Variants in GPD1L observed in about 807,000 individuals in gnomAD.
GPD1L encodes the protein glycerol-3-phosphate dehydrogenase 1 like.
In GPD1L, 17 loss-of-function variants were observed where a neutral mutation model predicts 32.9. That is an observed-to-expected ratio of 0.52 (90% CI 0.35 to 0.78). GPD1L has a LOEUF of 0.78. Ranked by LOEUF, GPD1L falls within the 30% of genes least tolerant of loss-of-function variation. The probability of loss-of-function intolerance (pLI) is 0.01; values close to 1 mark genes in which losing one functional copy is unlikely to be tolerated. For synonymous variants in GPD1L, 187 were observed against 165.9 expected, an observed-to-expected ratio of 1.13 and a Z score of -0.98; for missense variants, 361 against 447.8, an observed-to-expected ratio of 0.81 and a Z score of 1.75.
At chr3:32,158,318 G>A (rs1392396979) in intron 5 of GPD1L, 1 of 160,906 alleles carries the variant, frequency 6.2e-6, no homozygotes, top group African/African-American at 2.4e-5. Context: ...AAGTTGAAAG[G>A]CAGGTAAAAC....
Position 32,165,851 on chromosome 3 carries a change from G to A in GPD1L, c.997G>A (p.Glu333Lys), listed in dbSNP as rs201799095. Residue 333 changes from glutamate (E) to lysine (K), a missense_variant, in exon 8 of 8, where the codon GAA (glutamate) becomes AAA (lysine). Coordinates refer to ENST00000282541, the MANE Select transcript of GPD1L (RefSeq NM_015141.4). ...TACTGCAGTGTATCAGATCTGCTAC[G>A]AAAGCAGACCAGTTCAAGAGATGTT... ...LFTAVYQICYESRPVQEMLSC... is the reference protein window; with the variant it reads ...LFTAVYQICYKSRPVQEMLSC... 1.4e-5 allele frequency: 22 copies of A among 1,609,054 alleles called. No homozygotes were observed. The highest frequency in any genetic ancestry group is 6.6e-5 in the South Asian group (6 of 90,960).
At chr3:32,132,533 G>A (rs569724411) in intron 2 of GPD1L, among the ~76,000 whole-genome samples, 13 of 152,298 alleles carry the variant, frequency 8.5e-5, no homozygotes, top group African/African-American at 2.2e-4. Context: ...AGTTCAGTGC[G>A]AAGCCTCAGT....
chr3:32,139,342 G>A (rs1223074780), intron 3 of GPD1L, among the ~76,000 whole-genome samples: 1 of 152,044 alleles, frequency 6.6e-6, no homozygotes, highest in Admixed American at 6.6e-5. Flanking sequence ...ATATCTCAAG[G>A]TATCATTTAT....
intron 7 of GPD1L, among the ~76,000 whole-genome samples, chr3:32,163,977 C>T (rs1253983979): frequency 6.6e-6 from 1 of 152,224 alleles, no homozygotes; most frequent in Non-Finnish European, 1.5e-5. Context: ...CAGCTCCAGG[C>T]ATCACATTCA....
At chr3:32,116,384 TCTTA>T (rs2125470732) in intron 1 of GPD1L, among the ~76,000 whole-genome samples, 1 of 152,348 alleles carries the variant, frequency 6.6e-6, no homozygotes, top group South Asian at 2.1e-4. Context: ...AAACAACAAA[TCTTA>T]TGGTAACCTG....
chr3:32,133,377 TAGTA>T (rs754175552), intron 2 of GPD1L, among the ~76,000 whole-genome samples: 56 of 152,336 alleles, frequency 3.7e-4, no homozygotes, highest in Non-Finnish European at 6.0e-4. Flanking sequence ...AAAAGGTTTG[TAGTA>T]AGATTCATGG....
In GPD1L at chr3:32,158,880, T is replaced by C; in HGVS notation, c.623T>C (p.Ile208Thr). The change falls in exon 6 of 8, where the codon ATC becomes ACC. Residue 208 changes from isoleucine to threonine, a missense_variant. Ile to Thr is a moderately conservative substitution (Grantham distance 89). Transcript: ENST00000282541. ...GCTTTGTCATCTCCTTTGCAGAACA[T>C]CGTAGCTGTGGGAGCTGGGTTCTGC... Reference protein sequence around the residue: ...TVELCGALKNIVAVGAGFCDG... With the variant: ...TVELCGALKNTVAVGAGFCDG... 6.2e-7 allele frequency: 1 copy of C among 1,613,916 alleles called. No homozygotes were observed. Among genetic ancestry groups the C allele is most frequent in the Non-Finnish European group, 8.5e-7 (1 of 1,179,940 alleles).
intron 4 of GPD1L, 142 bp downstream of exon 4, chr3:32,140,508 G>A (rs1294841979): frequency 2.1e-6 from 2 of 953,048 alleles, no homozygotes; most frequent in Non-Finnish European, 3.3e-6. Context: ...TGGGGCGAGG[G>A]TTTTACTTAA....
chr3:32,163,325 C>A (rs7612443), intron 7 of GPD1L, among the ~76,000 whole-genome samples: 59,950 of 151,500 alleles, frequency 0.4, 12,989 homozygotes, highest in East Asian at 0.6. Context: ...CCCGCCACCA[C>A]GCCCAGCTAA....
chr3:32,123,926 C>T (rs759360508), intron 1 of GPD1L, among the ~76,000 whole-genome samples: 3 of 152,056 alleles, frequency 2.0e-5, no homozygotes, highest in African/African-American at 7.2e-5. Context: ...GCAGTGTGGC[C>T]GCAGGTCCCC....
intron 1 of GPD1L, among the ~76,000 whole-genome samples, chr3:32,107,345 AG>A (rs937311591): frequency 1.3e-5 from 2 of 152,320 alleles, no homozygotes; most frequent in African/African-American, 4.8e-5. Flanking sequence ...TGAGGCGTTG[AG>A]AATTCTCCCT....
intron 5 of GPD1L, among the ~76,000 whole-genome samples, chr3:32,147,297 A>C (rs1340796383): frequency 6.6e-6 from 1 of 151,758 alleles, no homozygotes; most frequent in Non-Finnish European, 1.5e-5. Context: ...TACAGTATGC[A>C]CTCTTTTGTG....
intron 5 of GPD1L, among the ~76,000 whole-genome samples, chr3:32,155,766 G>T (rs1700980027): frequency 6.6e-6 from 1 of 152,188 alleles, no homozygotes; most frequent in Non-Finnish European, 1.5e-5. Context: ...TTTCCTGAAA[G>T]AATGTCAATA....
intron 1 of GPD1L, among the ~76,000 whole-genome samples, chr3:32,111,511 C>G (rs1036678171): frequency 1.4e-4 from 21 of 152,282 alleles, no homozygotes; most frequent in Admixed American, 5.9e-4. Context: ...TGGTGACTAG[C>G]ACTCAGTAAA....
At chr3:32,124,563 G>A (rs756447081) in intron 1 of GPD1L, among the ~76,000 whole-genome samples, 1 of 152,158 alleles carries the variant, frequency 6.6e-6, no homozygotes, top group Non-Finnish European at 1.5e-5. Context: ...TTTTGGGTGC[G>A]GGTTATACTT....
At chr3:32,135,719 CTGGGATTATTACAGGCA>C (rs1214672901) in intron 2 of GPD1L, among the ~76,000 whole-genome samples, 13 of 152,200 alleles carry the variant, frequency 8.5e-5, no homozygotes, top group Non-Finnish European at 1.3e-4. Flanking sequence ...TCCCCAAGTG[CTGGGATTATTACAGGCA>C]TGAGCATGGC....
rs753799439 is a variant in GPD1L at position 32,168,158 on chromosome 3, T to G, written c.*2248T>G. 6.6e-6 allele frequency: 1 copy of G among 152,382 alleles called. No individual in the cohort carries two copies. The highest frequency in any genetic ancestry group is 1.5e-5 in the Non-Finnish European group (1 of 68,032). The allele number at this position is 152,382 out of a possible 1,614,324, so 9.4% of individuals were successfully genotyped here. A position where few individuals can be genotyped will look rare whatever the true frequency, so the allele number is the denominator to read the frequency against. ...CCCTTGTAATTACCACTCTGAAGTC[T>G]GCTGACTGTGTCTCTTGAACATACT... On this transcript the variant is annotated 3_prime_UTR_variant, in exon 8 of 8. Transcript: ENST00000282541.
chr3:32,131,327 A>G (rs1040233532), intron 2 of GPD1L, among the ~76,000 whole-genome samples: 12 of 152,324 alleles, frequency 7.9e-5, no homozygotes, highest in African/African-American at 2.9e-4. Flanking sequence ...ATAGCTGTGC[A>G]GCCATCACTG....
At chr3:32,141,341 A>G (rs1700739436) in intron 4 of GPD1L, among the ~76,000 whole-genome samples, 1 of 152,202 alleles carries the variant, frequency 6.6e-6, no homozygotes, top group African/African-American at 2.4e-5. Flanking sequence ...AGAGATAATC[A>G]AAAGAAAGCC....
Sources: allele counts gnomAD v4.1 joint callset (sites outside exome capture counted in the v4.1 genomes callset), GRCh38; gene constraint gnomAD v4.1.1; transcripts MANE v1.5; gene names NCBI Gene and HGNC (gene_info 2026-07-23, HGNC 2026-07-21).